Variants in FAM117A observed in about 807,000 individuals in gnomAD.
The protein encoded by FAM117A is family with sequence similarity 117 member A, also known as protein FAM117A.
FAM117A carries 21 observed loss-of-function variants against 44.1 expected under a neutral mutation model. That is an observed-to-expected ratio of 0.48 (90% confidence interval 0.34 to 0.69). FAM117A has a LOEUF of 0.69. Ranked by LOEUF, FAM117A falls within the 30% of genes least tolerant of loss-of-function variation. FAM117A has a pLI of 0.01. For synonymous variants in FAM117A, 220 were observed against 238.3 expected (o/e 0.92, Z 0.71); for missense variants, 498 against 589.9 (o/e 0.84, Z 1.61).
chr17:49,719,799 C>T lies in FAM117A; in HGVS notation c.669G>A (p.Glu223=). 1.9e-6 allele frequency: 3 copies of T among 1,603,224 alleles called. No individual in the cohort carries two copies. Among genetic ancestry groups the T allele is most frequent in the South Asian group, 1.1e-5 (1 of 89,582 alleles). The change falls in exon 5 of 8, where the codon GAG becomes GAA. Residue 223 remains glutamate (E), a synonymous_variant. Transcript: ENST00000240364. ...CTTCTCCCTGCTCCTTCACAAATAC[C>T]TCCTCCAGCTCTTGGTTGAGCCCTT... is the stretch of plus-strand genomic sequence containing the variant. ...SLEGLNQELE[E]VFVKEQGEEE... is the part of the protein sequence containing the mutation.
At chr17:49,715,371 ACT>A (rs1254805559) in intron 7 of FAM117A, among the ~76,000 whole-genome samples, 1 of 152,006 alleles carries the variant, frequency 6.6e-6, no homozygotes, top group African/African-American at 2.4e-5. Flanking sequence ...CTACATCTTC[ACT>A]CACACACCAT....
At chr17:49,715,514 T>A (rs1051053723) in intron 7 of FAM117A, among the ~76,000 whole-genome samples, 13 of 152,114 alleles carry the variant, frequency 8.5e-5, no homozygotes, top group African/African-American at 3.1e-4. Context: ...TTTGGAAAGG[T>A]TGGCTCTCAA....
chr17:49,722,464 G>C (rs759577057), intron 3 of FAM117A, 35 bp downstream of exon 3: 10 of 1,572,452 alleles, frequency 6.4e-6, no homozygotes, highest in Non-Finnish European at 8.7e-6. Flanking sequence ...AGAAGAAGCC[G>C]CTACCCTAGG....
At chr17:49,774,366 T>TA (rs1426145203) in intron 1 of FAM117A, among the ~76,000 whole-genome samples, 1 of 150,778 alleles carries the variant, frequency 6.6e-6, no homozygotes, top group Non-Finnish European at 1.5e-5. Flanking sequence ...GGCTGGTCTT[T>TA]TTTTTTTTTT....
chr17:49,732,344 G>A, intron 2 of FAM117A: 2 of 427,874 alleles, frequency 4.7e-6, no homozygotes, highest in East Asian at 4.0e-5. Flanking sequence ...GGCAGAGGTT[G>A]CAGTGAGCCA....
chr17:49,738,734 T>G (rs538583056), intron 1 of FAM117A, among the ~76,000 whole-genome samples: 2 of 152,350 alleles, frequency 1.3e-5, no homozygotes, highest in African/African-American at 4.8e-5. Context: ...ATTCTTGGCA[T>G]GTCCCAGCTC....
chr17:49,753,643 C>A (rs911505892), intron 1 of FAM117A, among the ~76,000 whole-genome samples: 3 of 152,108 alleles, frequency 2.0e-5, no homozygotes, highest in African/African-American at 7.2e-5. Flanking sequence ...TGGTGAAACC[C>A]CGTTTCTATC....
chr17:49,728,054 A>C (rs1327626013), intron 2 of FAM117A, among the ~76,000 whole-genome samples: 3 of 152,248 alleles, frequency 2.0e-5, no homozygotes, highest in African/African-American at 7.2e-5. Context: ...GCAAGTGGCC[A>C]AGGCCACCAT....
At chr17:49,744,899 A>C (rs952543762) in intron 1 of FAM117A, among the ~76,000 whole-genome samples, 9 of 151,286 alleles carry the variant, frequency 5.9e-5, no homozygotes, top group African/African-American at 2.2e-4. Context: ...CTGTAGGCCC[A>C]ACTACTCTGG....
rs921088395 is a variant in FAM117A at position 49,721,378 on chromosome 17, A to G, written c.463-942T>C. Reference sequence around the variant, plus strand: ...TAGATCTGCTACCCACAGCCATAAGATTTATGACTAGAGCCAAGAAGAAAG... The same window carrying G: ...TAGATCTGCTACCCACAGCCATAAGGTTTATGACTAGAGCCAAGAAGAAAG... On this transcript the variant is annotated intron_variant, in intron 3 of 7. Coordinates refer to ENST00000240364, the MANE Select transcript of FAM117A (RefSeq NM_030802.4). Among the ~76,000 whole-genome samples the G allele has an allele frequency of 2.6e-5, 4 of 151,998 alleles. No individual in the cohort carries two copies. In the East Asian group the frequency reaches 7.7e-4, roughly 29 times the overall value.
intron 1 of FAM117A, among the ~76,000 whole-genome samples, chr17:49,762,504 A>G (rs1411369798): frequency 1.3e-5 from 2 of 152,198 alleles, no homozygotes; most frequent in African/African-American, 2.4e-5. Flanking sequence ...AAGTCCAGAA[A>G]GACTTGGGGG....
intron 5 of FAM117A, among the ~76,000 whole-genome samples, chr17:49,719,081 G>A (rs1227362240): frequency 6.6e-6 from 1 of 151,922 alleles, no homozygotes; most frequent in Non-Finnish European, 1.5e-5. Context: ...GGCAAAGATG[G>A]TGAAACCCCA....
chr17:49,716,370 T>C, intron 6 of FAM117A, 55 bp from the exon 7 acceptor site: 1 of 1,464,214 alleles, frequency 6.8e-7, no homozygotes. Context: ...CCTCCACTTT[T>C]CTGGGTCCAG....
At chr17:49,715,130 C>A (rs1477170371) in intron 7 of FAM117A, among the ~76,000 whole-genome samples, 1 of 152,122 alleles carries the variant, frequency 6.6e-6, no homozygotes, top group African/African-American at 2.4e-5. Flanking sequence ...GAGTCTAGAG[C>A]CTGCTGAAGC....
chr17:49,727,810 T>G (rs1187636088), intron 2 of FAM117A, among the ~76,000 whole-genome samples: 1 of 152,166 alleles, frequency 6.6e-6, no homozygotes, highest in African/African-American at 2.4e-5. Flanking sequence ...CTGTCTCCAG[T>G]GACCTTGGCA....
rs577683251 is a variant in FAM117A at position 49,778,219 on chromosome 17, C to T, written c.-621+10278G>A. ...AATAATTGCATACTACCTTATTTATCCTTCCACCCAAGTCTACCTCTTTTA... is the reference window on the plus strand; with the variant it reads ...AATAATTGCATACTACCTTATTTATTCTTCCACCCAAGTCTACCTCTTTTA... On this transcript the variant is annotated intron_variant, in intron 1 of 7. Transcript: ENST00000513602. Among the ~76,000 whole-genome samples the T allele has an allele frequency of 2.0e-5, 3 of 152,140 alleles. No individual in the cohort carries two copies. The East Asian group carries it at 5.8e-4, about 29-fold the overall frequency.
intron 1 of FAM117A, among the ~76,000 whole-genome samples, chr17:49,784,689 C>T (rs559476463): frequency 6.6e-6 from 1 of 152,292 alleles, no homozygotes; most frequent in East Asian, 1.9e-4. Context: ...TTTATGAATC[C>T]TTTCCTAAAC....
intron 1 of FAM117A, 137 bp from the exon 2 acceptor site, chr17:49,732,857 A>C: frequency 1.1e-6 from 1 of 934,880 alleles, no homozygotes; most frequent in East Asian, 2.6e-5. Flanking sequence ...AAGAATTTGA[A>C]GCAGCCTGAA....
intron 1 of FAM117A, among the ~76,000 whole-genome samples, chr17:49,772,523 G>A (rs913817205): frequency 7.9e-5 from 12 of 151,816 alleles, no homozygotes; most frequent in Non-Finnish European, 1.3e-4. Flanking sequence ...AGGCTGAGGC[G>A]GGTGGATTAC....
Sources: allele counts gnomAD v4.1 joint callset (sites outside exome capture counted in the v4.1 genomes callset), GRCh38; gene constraint gnomAD v4.1.1; transcripts MANE v1.5; gene names NCBI Gene and HGNC (gene_info 2026-07-23, HGNC 2026-07-21).